KIAA1217: variants seen among roughly 807,000 people sequenced by gnomAD.
The protein encoded by KIAA1217 is KIAA1217.
In KIAA1217, 88 loss-of-function variants were observed where a neutral mutation model predicts 163.9. The observed-to-expected ratio is 0.54, with a 90% CI of 0.45 to 0.64. The LOEUF (loss-of-function observed/expected upper bound fraction) is 0.64. Ranked by LOEUF, KIAA1217 falls within the 30% of genes least tolerant of loss-of-function variation. KIAA1217 has a pLI of 0.00. For synonymous variants in KIAA1217, 903 were observed against 923.1 expected (o/e 0.98, Z 0.39); for missense variants, 2,372 against 2,475.0 (o/e 0.96, Z 0.88).
intron 2 of KIAA1217, among the ~76,000 whole-genome samples, chr10:24,096,908 G>A (rs2062185659): frequency 6.6e-6 from 1 of 152,322 alleles, no homozygotes; most frequent in Middle Eastern, 3.4e-3. Flanking sequence ...AGCCAAGGAT[G>A]ATGTATATAC....
chr10:24,230,502 GTTTTTTTTTTTT>G (rs71397936), intron 2 of KIAA1217, among the ~76,000 whole-genome samples: 1 of 90,608 alleles, frequency 1.1e-5, no homozygotes, highest in African/African-American at 4.5e-5. Context: ...TATTTGTTTT[GTTTTTTTTTTTT>G]TTTTTTTTTG....
intron 2 of KIAA1217, among the ~76,000 whole-genome samples, chr10:24,305,241 A>C (rs994039369): frequency 2.0e-5 from 3 of 152,258 alleles, no homozygotes; most frequent in Admixed American, 1.3e-4. Context: ...CACAACAGCC[A>C]GTAAGTCAAG....
At chr10:23,890,469 G>C (rs1589022171) in intron 1 of KIAA1217, among the ~76,000 whole-genome samples, 1 of 151,786 alleles carries the variant, frequency 6.6e-6, no homozygotes, top group East Asian at 2.0e-4. Flanking sequence ...TATTTTGAAA[G>C]GCTTTCTCAT....
At chr10:23,867,898 T>C (rs921214965) in intron 1 of KIAA1217, among the ~76,000 whole-genome samples, 2 of 152,186 alleles carry the variant, frequency 1.3e-5, no homozygotes, top group Non-Finnish European at 2.9e-5. Flanking sequence ...TGCCATTGCT[T>C]TGGTGTTTTA....
At chr10:23,853,255 G>A (rs1213684684) in intron 1 of KIAA1217, among the ~76,000 whole-genome samples, 2 of 152,152 alleles carry the variant, frequency 1.3e-5, no homozygotes, top group East Asian at 1.9e-4. Flanking sequence ...GGCCTTTTGT[G>A]CATCTATTGA....
chr10:23,737,260 A>G (rs569326629), intron 1 of KIAA1217, among the ~76,000 whole-genome samples: 30 of 152,268 alleles, frequency 2.0e-4, no homozygotes, highest in African/African-American at 7.0e-4. Context: ...AGCACAGTGC[A>G]TGATCTCAGC....
chr10:23,884,683 A>T (rs10764431), intron 1 of KIAA1217, among the ~76,000 whole-genome samples: 32,068 of 151,912 alleles, frequency 0.21, 3,527 homozygotes, highest in African/African-American at 0.25. Flanking sequence ...GGCACTATAA[A>T]ACATAATCTC....
intron 2 of KIAA1217, among the ~76,000 whole-genome samples, chr10:24,040,004 T>C (rs1848564978): frequency 6.6e-6 from 1 of 152,168 alleles, no homozygotes; most frequent in South Asian, 2.1e-4. Flanking sequence ...TGTGCTATAA[T>C]AAGACGTCAT....
At chr10:23,775,577 G>A (rs985632655) in intron 1 of KIAA1217, among the ~76,000 whole-genome samples, 1 of 152,188 alleles carries the variant, frequency 6.6e-6, no homozygotes, top group Admixed American at 6.5e-5. Flanking sequence ...GTCTGTTGTA[G>A]CATGTGAGAG....
intron 5 of KIAA1217, among the ~76,000 whole-genome samples, chr10:24,450,725 C>T (rs1272362184): frequency 6.6e-6 from 1 of 152,062 alleles, no homozygotes; most frequent in Non-Finnish European, 1.5e-5. Context: ...GGAATAGGTA[C>T]TATTACACCC....
chr10:23,851,968 G>A (rs1839362369), intron 1 of KIAA1217, among the ~76,000 whole-genome samples: 1 of 151,966 alleles, frequency 6.6e-6, no homozygotes, highest in Non-Finnish European at 1.5e-5. Context: ...TGGGTTGCCT[G>A]TTCACTCCGA....
At chr10:24,147,021 A>C (rs2064351514) in intron 2 of KIAA1217, among the ~76,000 whole-genome samples, 1 of 151,754 alleles carries the variant, frequency 6.6e-6, no homozygotes, top group Non-Finnish European at 1.5e-5. Flanking sequence ...AAAAAAAAAA[A>C]AAAAAAAAAA....
At chr10:24,277,313 G>A (rs1233100716) in intron 2 of KIAA1217, among the ~76,000 whole-genome samples, 1 of 152,182 alleles carries the variant, frequency 6.6e-6, no homozygotes, top group Non-Finnish European at 1.5e-5. Context: ...TGACCCTGGT[G>A]TGGTTCCCAC....
In KIAA1217 at chr10:24,504,382, T is replaced by G. The variant is rs561383812; in HGVS notation, c.2001+2837T>G. On this transcript the variant is annotated intron_variant, in intron 9 of 20. Transcript: ENST00000376454. ...GTGTTTCCTAACCTGGCTGTTACTG[T>G]TTCTACCTCTGCATTTGTATTCCCT... is the stretch of plus-strand genomic sequence containing the variant. Among the ~76,000 whole-genome samples, 3 of 152,346 alleles carry G rather than the reference T, an allele frequency of 2.0e-5. No homozygotes were observed. The East Asian group carries it at 5.8e-4, about 29-fold the overall frequency.
intron 1 of KIAA1217, among the ~76,000 whole-genome samples, chr10:23,862,851 G>T (rs1285279145): frequency 6.6e-6 from 1 of 151,978 alleles, no homozygotes; most frequent in East Asian, 1.9e-4. Context: ...TTTTCTTCTT[G>T]CCTTGATGCT....
At chr10:24,050,316 C>G (rs1439275683) in intron 2 of KIAA1217, among the ~76,000 whole-genome samples, 1 of 152,174 alleles carries the variant, frequency 6.6e-6, no homozygotes. Flanking sequence ...TTAATTAGAT[C>G]TCATTTGTCA....
intron 2 of KIAA1217, among the ~76,000 whole-genome samples, chr10:24,189,030 C>T (rs1018856301): frequency 1.3e-5 from 2 of 149,206 alleles, no homozygotes; most frequent in Admixed American, 6.7e-5. Flanking sequence ...GGTGTGAACC[C>T]GGGAGATGGA....
chr10:24,040,997 A>C lies in KIAA1217; in HGVS notation c.-171+33623A>C, dbSNP rs551467492. ...AGGACTGGGCCCACATTTAGAATTTAGAGGTAACTCCTGTTCCCGTTGATT... is the reference window on the plus strand; with the variant it reads ...AGGACTGGGCCCACATTTAGAATTTCGAGGTAACTCCTGTTCCCGTTGATT... On this transcript the variant is annotated intron_variant, in intron 2 of 18. Transcript: ENST00000376462. Among the ~76,000 whole-genome samples the C allele has an allele frequency of 2.6e-5, 4 of 152,372 alleles. No homozygotes were observed. In the South Asian group the frequency reaches 8.3e-4, roughly 32 times the overall value.
At position 23,878,478 on chromosome 10, in the gene KIAA1217, C is replaced by T. The variant is rs1278928068; in HGVS notation, c.-320-128747C>T. On this transcript the variant is annotated intron_variant, in intron 1 of 18. Transcript: ENST00000376462. Reference sequence around the variant, plus strand: ...ACTGAGCATCTACTCTGCTCACATTCGAGGTTCTATTTCAGATGGGAAGCC... The same window carrying T: ...ACTGAGCATCTACTCTGCTCACATTTGAGGTTCTATTTCAGATGGGAAGCC... 7.9e-5 allele frequency among the ~76,000 whole-genome samples: 12 copies of T among 151,814 alleles called. No homozygotes were observed. The South Asian group carries it at 8.3e-4, about 10-fold the overall frequency.
Sources: gnomAD v4.1 joint callset for allele counts (sites outside exome capture counted in the v4.1 genomes callset) on GRCh38, gnomAD v4.1.1 for gene constraint, MANE v1.5 for transcripts, NCBI Gene and HGNC (gene_info 2026-07-23, HGNC 2026-07-21) for gene names.